The following ELOA variants were observed in gnomAD, a reference collection of about 807,000 sequenced individuals.
ELOA encodes elongin-A.
ELOA carries 15 observed loss-of-function variants against 85.2 expected under a neutral mutation model. The ratio of observed to expected loss-of-function variants is 0.18; its 90% CI spans 0.12 to 0.27. The LOEUF is 0.27. ELOA is among the 10% of genes least tolerant of loss of function. The pLI, the probability that ELOA is intolerant of heterozygous loss-of-function variation, is 1.00. For synonymous variants in ELOA, 348 were observed against 357.2 expected (o/e 0.97, Z 0.29); for missense variants, 769 against 952.7 (o/e 0.81, Z 2.54).
In ELOA at chr1:23,757,075, C is replaced by G; in HGVS notation, c.2207C>G (p.Pro736Arg). The G allele has an allele frequency of 6.2e-7, 1 of 1,607,142 alleles. No homozygotes were observed. Among genetic ancestry groups the G allele is most frequent in the Non-Finnish European group, 8.5e-7 (1 of 1,177,812 alleles). Residue 736 changes from proline (P) to arginine (R), a missense_variant, in exon 10 of 11, where the codon CCA becomes CGA. Around this residue, in one of 4 missense-constraint regions of ELOA, gnomAD observed 116 missense variants for 141.0 expected, o/e 0.82. Coordinates refer to ENST00000613537, the MANE Select transcript of ELOA (RefSeq NM_003198.3). ...GPSTSSAHLA[P>R]VVSSTVSYDP... ...AGCACCAGCAGTGCCCACTTGGCACCAGTGGTCAGCAGCACTGTTTCCTAT... is the reference window on the plus strand; with the variant it reads ...AGCACCAGCAGTGCCCACTTGGCACGAGTGGTCAGCAGCACTGTTTCCTAT...
At chr1:23,752,079 T>G in intron 4 of ELOA, 49 bp downstream of exon 4, 1 of 1,520,482 alleles carries the variant, frequency 6.6e-7, no homozygotes, top group Admixed American at 2.2e-5. Flanking sequence ...CACCTGGCCC[T>G]GCAGAGCTCA....
At position 23,750,900 on chromosome 1, in the gene ELOA, C is replaced by G. The variant is rs140503916; in HGVS notation, c.295C>G (p.Arg99Gly). The G allele has an allele frequency of 3.1e-6, 5 of 1,610,750 alleles. No individual in the cohort carries two copies. Among genetic ancestry groups the G allele is most frequent in the South Asian group, 1.1e-5 (1 of 90,572 alleles). ...GAAGAGCAATTCCCGAAAGCGCCCT[C>G]GGGATGCCCTGCAGAAGGAGGAGGA... ...FEKSNSRKRPRDALQKEEEME... is the reference protein window; with the variant it reads ...FEKSNSRKRPGDALQKEEEME... The change falls in exon 4 of 11, where the codon CGG becomes GGG. Residue 99 changes from arginine (R) to glycine (G), a missense_variant. By Grantham distance (125) the Arg-to-Gly change is moderately radical. Transcript: ENST00000613537.
In ELOA at chr1:23,756,391, A is replaced by C; in HGVS notation, c.2084+6A>C. On this transcript the variant is annotated splice_donor_region_variant and intron_variant, in intron 9 of 10. Coordinates refer to ENST00000613537, the MANE Select transcript of ELOA (RefSeq NM_003198.3). ...GCTGTCCCTGAGAAAATCAAGTAAG[A>C]TCTGTGTTCTTACCTGGCTTTTGTG... The C allele has an allele frequency of 6.4e-7, 1 of 1,562,248 alleles. No homozygotes were observed. Among genetic ancestry groups the C allele is most frequent in the Non-Finnish European group, 8.7e-7 (1 of 1,152,334 alleles).
rs146265686 is a variant in ELOA at position 23,754,383 on chromosome 1, G to A, written c.1714G>A (p.Val572Ile). The change falls in exon 7 of 11, where the codon GTC becomes ATC. Residue 572 changes from valine (V) to isoleucine (I), a missense_variant. By Grantham distance (29) the Val-to-Ile change is conservative. Transcript: ENST00000613537. ...NIDSIFEVGG[V>I]PYSVLEPVLE... Reference sequence around the variant, plus strand: ...TGCAGCAATCTTTGAAGTGGGAGGAGTCCCATACTCTGTTCTTGAACCCGT... The same window carrying A: ...TGCAGCAATCTTTGAAGTGGGAGGAATCCCATACTCTGTTCTTGAACCCGT... 1 of 1,614,096 alleles carries A rather than the reference G, an allele frequency of 6.2e-7. No individual in the cohort carries two copies. Among genetic ancestry groups the A allele is most frequent in the Non-Finnish European group, 8.5e-7 (1 of 1,180,038 alleles).
At chr1:23,750,178 T>TTC (rs1394738505) in intron 3 of ELOA, among the ~76,000 whole-genome samples, 11 of 128,692 alleles carry the variant, frequency 8.5e-5, no homozygotes, top group East Asian at 4.2e-4. Context: ...TTCTTTTTTT[T>TTC]TTTTTTTTTT....
At chr1:23,758,866 A>G (rs1328568414) in intron 10 of ELOA, among the ~76,000 whole-genome samples, 1 of 152,074 alleles carries the variant, frequency 6.6e-6, no homozygotes, top group African/African-American at 2.4e-5. Context: ...TGGTTTGGCT[A>G]TTTGTGAGGC....
chr1:23,753,982 T>C (rs1369451797), intron 5 of ELOA, 118 bp from the exon 6 acceptor site: 1 of 1,253,130 alleles, frequency 8.0e-7, no homozygotes, highest in Non-Finnish European at 1.1e-6. Context: ...TCTGGAAGGA[T>C]CTACAAAAAT....
chr1:23,755,534 C>T (rs1440137107), intron 7 of ELOA, among the ~76,000 whole-genome samples: 2 of 152,120 alleles, frequency 1.3e-5, no homozygotes, highest in African/African-American at 4.8e-5. Context: ...GTAATCCCAG[C>T]ACTCTGGGAG....
intron 1 of ELOA, among the ~76,000 whole-genome samples, 158 bp downstream of exon 1, chr1:23,743,736 G>T (rs2124454769): frequency 6.6e-6 from 1 of 152,226 alleles, no homozygotes; most frequent in South Asian, 2.1e-4. Context: ...CGCTGCCCGC[G>T]CGTTGGGACC....
At position 23,759,822 on chromosome 1, in the gene ELOA, T is replaced by C; in HGVS notation, c.*249T>C. The C allele has an allele frequency of 1.9e-6, 1 of 513,048 alleles. No individual in the cohort carries two copies. The highest frequency in any genetic ancestry group is 3.5e-6 in the Non-Finnish European group (1 of 287,050). 31.8% of individuals were successfully genotyped at this position (513,048 alleles called of 1,614,324 possible). On this transcript the variant is annotated 3_prime_UTR_variant, in exon 11 of 11. Transcript: ENST00000613537. The stretch of plus-strand genomic sequence containing the variant: ...CACTGAGGATTTTAAAGGTCAATTA[T>C]ACTTTTGTTGTTCATTAGCATCTTT...
At chr1:23,746,957 T>C (rs1405981262) in intron 1 of ELOA, among the ~76,000 whole-genome samples, 1 of 152,230 alleles carries the variant, frequency 6.6e-6, no homozygotes, top group Non-Finnish European at 1.5e-5. Flanking sequence ...TTTTCTCTTG[T>C]GTTAGACTAA....
chr1:23,746,013 G>A (rs537173896), intron 1 of ELOA, among the ~76,000 whole-genome samples: 1 of 152,314 alleles, frequency 6.6e-6, no homozygotes, highest in African/African-American at 2.4e-5. Context: ...CTTAGGCCGA[G>A]TGCAGTGCCT....
chr1:23,756,028 CAG>C lies in ELOA; in HGVS notation c.1972+9_1972+10del, dbSNP rs754352769. On this transcript the variant is annotated splice_donor_region_variant and intron_variant, in intron 8 of 10. Coordinates refer to ENST00000613537, the MANE Select transcript of ELOA (RefSeq NM_003198.3). ...CACATGCCAATAAGCCCAAAGGTAA[CAG>C]AGACGGGAGAGCTGGGGGAGAACTG... is the stretch of plus-strand genomic sequence containing the variant. 5.6e-6 allele frequency: 9 copies of C among 1,610,740 alleles called. No individual in the cohort carries two copies. Among genetic ancestry groups the C allele is most frequent in the Non-Finnish European group, 6.8e-6 (8 of 1,178,502 alleles).
rs1265608309 is a variant in ELOA at position 23,751,834 on chromosome 1, A to G, written c.1229A>G (p.Tyr410Cys). ...FEQPTMSFES[Y>C]LSYDQPRKKK... ...CAGCCAACCATGTCTTTTGAATCCT[A>G]CCTCAGCTATGACCAGCCCCGGAAG... Residue 410 changes from tyrosine to cysteine, a missense_variant, in exon 4 of 11, where the codon TAC becomes TGC. Around this residue, in one of 4 missense-constraint regions of ELOA, gnomAD observed 193 missense variants for 278.9 expected, o/e 0.69. Transcript: ENST00000613537. 1 of 1,614,150 alleles carries G rather than the reference A, an allele frequency of 6.2e-7. No individual in the cohort carries two copies. The highest frequency in any genetic ancestry group is 8.5e-7 in the Non-Finnish European group (1 of 1,180,030).
chr1:23,751,232 G>A lies in ELOA; in HGVS notation c.627G>A (p.Lys209=). ...EDQEPIVSHQ[K]PGKGHSNAFQ... ...AGGAGCCCATTGTTTCACACCAGAA[G>A]CCTGGGAAAGGCCACAGCAATGCCT... Residue 209 remains lysine (K), a synonymous_variant, in exon 4 of 11, where the codon AAG becomes AAA. Transcript: ENST00000613537. The A allele has an allele frequency of 5.6e-6, 9 of 1,614,212 alleles. No individual in the cohort carries two copies. The highest frequency in any genetic ancestry group is 1.1e-5 in the South Asian group (1 of 91,090).
At position 23,756,986 on chromosome 1, in the gene ELOA, C is replaced by G. The variant is rs1158618455; in HGVS notation, c.2118C>G (p.Ser706Arg). 29 of 1,583,340 alleles carry G rather than the reference C, an allele frequency of 1.8e-5. No homozygotes were observed. The highest frequency in any genetic ancestry group is 2.4e-5 in the Non-Finnish European group (28 of 1,167,798). The change falls in exon 10 of 11, where the codon AGC becomes AGG. Residue 706 changes from serine to arginine, a missense_variant. Around this residue, in one of 4 missense-constraint regions of ELOA, gnomAD observed 116 missense variants for 141.0 expected, o/e 0.82. Coordinates refer to ENST00000613537, the MANE Select transcript of ELOA (RefSeq NM_003198.3). ...CAGCCCCGTACCCCATGGGAAGCAG[C>G]CATGCTTCCGCCAGTAGCATCAGCT... ...IKPAPYPMGSSHASASSISFN... is the reference protein window; with the variant it reads ...IKPAPYPMGSRHASASSISFN...
At chr1:23,752,678 C>A (rs1448025740) in intron 5 of ELOA, among the ~76,000 whole-genome samples, 160 bp downstream of exon 5, 1 of 152,038 alleles carries the variant, frequency 6.6e-6, no homozygotes, top group Admixed American at 6.6e-5. Context: ...CGTGGTGGCT[C>A]ACTCCTGTAA....
At position 23,752,286 on chromosome 1, in the gene ELOA, C is replaced by T. The variant is rs1283308398; in HGVS notation, c.1426-121C>T. 6 of 953,838 alleles carry T rather than the reference C, an allele frequency of 6.3e-6. No individual in the cohort carries two copies. In the African/African-American group the frequency reaches 6.6e-5, roughly 10 times the overall value. The allele number at this position is 953,838 out of a possible 1,614,324, so 59.1% of individuals were successfully genotyped here. On this transcript the variant is annotated intron_variant, in intron 4 of 10. Coordinates refer to ENST00000613537, the MANE Select transcript of ELOA (RefSeq NM_003198.3). ...GAGGTGGTGTCAGACATGACTGTGG[C>T]CCCCTCCAACCTGGATCTTCCTGTG...
At chr1:23,756,045 G>C in intron 8 of ELOA, 22 bp downstream of exon 8, 1 of 1,607,938 alleles carries the variant, frequency 6.2e-7, no homozygotes, top group Non-Finnish European at 8.5e-7. Flanking sequence ...GGGAGAGCTG[G>C]GGGAGAACTG....
Sources: allele counts gnomAD v4.1 joint callset (sites outside exome capture counted in the v4.1 genomes callset), GRCh38; gene constraint gnomAD v4.1.1; regional missense constraint gnomAD v4.1.1; transcripts MANE v1.5; gene names NCBI Gene and HGNC (gene_info 2026-07-23, HGNC 2026-07-21).